The following BICDL1 variants were observed in gnomAD, a reference collection of about 807,000 sequenced individuals.
The protein encoded by BICDL1 is BICD family like cargo adaptor 1.
BICDL1 carries 20 observed loss-of-function variants against 76.8 expected under a neutral mutation model. That is an observed-to-expected ratio of 0.26 (90% CI 0.18 to 0.38). The LOEUF is 0.38. Ranked by LOEUF, BICDL1 falls within the 10% of genes least tolerant of loss-of-function variation. The pLI is 1.00. For synonymous variants in BICDL1, 383 were observed against 337.1 expected (o/e 1.14, Z -1.49); for missense variants, 700 against 798.6 (o/e 0.88, Z 1.49).
intron 2 of BICDL1, among the ~76,000 whole-genome samples, chr12:120,045,066 A>G (rs1952718898): frequency 1.3e-5 from 2 of 152,210 alleles, no homozygotes; most frequent in Admixed American, 1.3e-4. Context: ...GAACTCAAAC[A>G]AATTTACAAG....
Position 120,037,531 on chromosome 12 carries a change from C to G in BICDL1, c.646-24179C>G, listed in dbSNP as rs1952551546. ...AAGAAGTTGACTGACAGTAAGGAAG[C>G]AGAGAGGAGTTTAAATAGAATAGTG... On this transcript the variant is annotated intron_variant, in intron 2 of 9. Coordinates refer to ENST00000548673, the MANE Select transcript of BICDL1 (RefSeq NM_001367886.1). Among the ~76,000 whole-genome samples, 3 of 152,072 alleles carry G rather than the reference C, an allele frequency of 2.0e-5. No homozygotes were observed. The East Asian group carries it at 5.8e-4, about 29-fold the overall frequency.
chr12:120,061,939 G>A (rs549856633), intron 3 of BICDL1, 113 bp downstream of exon 3: 9 of 685,220 alleles, frequency 1.3e-5, no homozygotes, highest in East Asian at 2.7e-5. Context: ...ATTTCTGTGC[G>A]AAACTAAATG....
chr12:120,051,565 T>C (rs757447006), intron 2 of BICDL1, among the ~76,000 whole-genome samples: 68 of 152,192 alleles, frequency 4.5e-4, no homozygotes, highest in Non-Finnish European at 8.8e-5. Flanking sequence ...GATCTTCGGA[T>C]TGAAGGTACC....
intron 2 of BICDL1, among the ~76,000 whole-genome samples, chr12:120,054,698 G>GT (rs1952938417): frequency 6.6e-6 from 1 of 151,996 alleles, no homozygotes. Flanking sequence ...CCAACATGAA[G>GT]GAATTCCATC....
Position 120,093,998 on chromosome 12 carries a change from C to G in BICDL1, c.*837C>G, listed in dbSNP as rs936615829. The stretch of plus-strand genomic sequence containing the variant: ...CACCCCTCACATACATACATAATTT[C>G]TTGGCCTAGCCAAACAAGTCCAGGC... On this transcript the variant is annotated 3_prime_UTR_variant, in exon 10 of 10. Transcript: ENST00000548673. 2.9e-6 allele frequency: 1 copy of G among 349,658 alleles called. No individual in the cohort carries two copies. Among genetic ancestry groups the G allele is most frequent in the African/African-American group, 2.1e-5 (1 of 46,734 alleles). The allele number at this position is 349,658 out of a possible 1,614,324, so 21.7% of individuals were successfully genotyped here.
At chr12:120,058,023 C>T (rs951669824) in intron 2 of BICDL1, among the ~76,000 whole-genome samples, 7 of 151,410 alleles carry the variant, frequency 4.6e-5, no homozygotes, top group Non-Finnish European at 8.8e-5. Flanking sequence ...TTAGAAGAGA[C>T]GGAGTTTCAC....
intron 2 of BICDL1, among the ~76,000 whole-genome samples, chr12:120,031,437 C>G (rs1313079632): frequency 6.6e-6 from 1 of 152,112 alleles, no homozygotes; most frequent in African/African-American, 2.4e-5. Flanking sequence ...ATCTCCTGAC[C>G]TCGTGATCTG....
chr12:119,995,230 A>G (rs765031781), intron 1 of BICDL1, among the ~76,000 whole-genome samples: 15 of 152,234 alleles, frequency 9.9e-5, no homozygotes, highest in Admixed American at 7.9e-4. Context: ...TTAATTGAAA[A>G]TATAATTCTA....
At chr12:120,082,105 T>TG (rs766286902) in intron 8 of BICDL1, among the ~76,000 whole-genome samples, 42 of 152,212 alleles carry the variant, frequency 2.8e-4, no homozygotes, top group Non-Finnish European at 5.3e-4. Flanking sequence ...CCCAAAAGTC[T>TG]GTAACATCTC....
intron 2 of BICDL1, among the ~76,000 whole-genome samples, chr12:119,999,347 G>A (rs1032175452): frequency 2.0e-5 from 3 of 152,182 alleles, no homozygotes; most frequent in Non-Finnish European, 4.4e-5. Flanking sequence ...CTAAAAGTCT[G>A]TGATTACTTT....
At chr12:119,999,301 G>A (rs543706257) in intron 2 of BICDL1, among the ~76,000 whole-genome samples, 222 of 152,152 alleles carry the variant, frequency 1.5e-3, no homozygotes, top group African/African-American at 5.2e-3. Context: ...TAAAATGAAG[G>A]GGTTGTGCTT....
In BICDL1 at chr12:120,094,359, A is replaced by G. The variant is rs1464467827; in HGVS notation, c.*1198A>G. On this transcript the variant is annotated 3_prime_UTR_variant, in exon 10 of 10. Coordinates refer to ENST00000548673, the MANE Select transcript of BICDL1 (RefSeq NM_001367886.1). ...ACCACAGTGCTGTAATTTTGTATGT[A>G]GCAATCATGTAAATACATGTATGGA... The G allele has an allele frequency of 8.9e-6, 4 of 451,228 alleles. No homozygotes were observed. Among genetic ancestry groups the G allele is most frequent in the South Asian group, 4.7e-5 (3 of 64,240 alleles). 28.0% of individuals were successfully genotyped at this position (451,228 alleles called of 1,614,324 possible).
At position 120,017,390 on chromosome 12, in the gene BICDL1, C is replaced by T. The variant is rs1594120098; in HGVS notation, c.645+18654C>T. Among the ~76,000 whole-genome samples, 3 of 152,250 alleles carry T rather than the reference C, an allele frequency of 2.0e-5. No homozygotes were observed. In the South Asian group the frequency reaches 6.2e-4, roughly 32 times the overall value. ...AGTTGGGAGCCACTGATCCAGATGA[C>T]TTGTTTAGAAATAAATGTAAGTTAT... On this transcript the variant is annotated intron_variant, in intron 2 of 9. Coordinates refer to ENST00000548673, the MANE Select transcript of BICDL1 (RefSeq NM_001367886.1).
chr12:120,007,016 T>C (rs1250900766), intron 2 of BICDL1, among the ~76,000 whole-genome samples: 3 of 152,084 alleles, frequency 2.0e-5, no homozygotes. Context: ...AGGTTGGATA[T>C]ATGTTTTGAA....
At chr12:120,082,053 AAT>A (rs1874033938) in intron 8 of BICDL1, among the ~76,000 whole-genome samples, 1 of 152,196 alleles carries the variant, frequency 6.6e-6, no homozygotes, top group South Asian at 2.1e-4. Context: ...ACTGATTTAG[AAT>A]CAGACTCCGA....
chr12:120,091,892 T>C lies in BICDL1; in HGVS notation c.1705-1108T>C, dbSNP rs1019405316. On this transcript the variant is annotated intron_variant, in intron 9 of 9. Coordinates refer to ENST00000548673, the MANE Select transcript of BICDL1 (RefSeq NM_001367886.1). ...TGGCTGCTCGGAACCAAAGAGGTCA[T>C]CTGCCCTGGCCACAGGGAGCCTGCC... The C allele has an allele frequency of 6.1e-6, 6 of 985,220 alleles. No homozygotes were observed. The African/African-American group carries it at 1.0e-4, about 17-fold the overall frequency. 61.0% of individuals were successfully genotyped at this position (985,220 alleles called of 1,614,324 possible). A position where few individuals can be genotyped will look rare whatever the true frequency, so the allele number is the denominator to read the frequency against.
At chr12:119,991,219 T>A (rs1951515587) in intron 1 of BICDL1, among the ~76,000 whole-genome samples, 1 of 152,194 alleles carries the variant, frequency 6.6e-6, no homozygotes, top group Admixed American at 6.5e-5. Flanking sequence ...TTACTATTAT[T>A]GTTACCTAGT....
At chr12:120,050,288 A>G (rs978087844) in intron 2 of BICDL1, among the ~76,000 whole-genome samples, 16 of 142,226 alleles carry the variant, frequency 1.1e-4, no homozygotes, top group African/African-American at 4.2e-4. Flanking sequence ...TTTTTTTGAG[A>G]TGGAGTCTCA....
chr12:119,999,539 T>A (rs1951720362), intron 2 of BICDL1, among the ~76,000 whole-genome samples: 1 of 152,244 alleles, frequency 6.6e-6, no homozygotes, highest in Non-Finnish European at 1.5e-5. Context: ...TGTGTATCTG[T>A]ATTGAAAATT....
Sources: allele counts gnomAD v4.1 joint callset (sites outside exome capture counted in the v4.1 genomes callset), GRCh38; gene constraint gnomAD v4.1.1; transcripts MANE v1.5; gene names NCBI Gene and HGNC (gene_info 2026-07-23, HGNC 2026-07-21).